WRN: variants seen among roughly 807,000 people sequenced by gnomAD.
WRN encodes the protein WRN RecQ like helicase, also known as bifunctional 3'-5' exonuclease/ATP-dependent helicase WRN.
Under a neutral mutation model 180.7 loss-of-function variants are expected in WRN, and 149 were observed. That is an observed-to-expected ratio of 0.82 (90% CI 0.72 to 0.94). The LOEUF (loss-of-function observed/expected upper bound fraction) is 0.94. Among genes scored for constraint, WRN ranks in the 40% least tolerant of loss-of-function variants. The probability of loss-of-function intolerance (pLI) is 0.00; values close to 1 mark genes in which losing one functional copy is unlikely to be tolerated. For synonymous variants in WRN, 548 were observed against 568.9 expected (o/e 0.96, Z 0.52); for missense variants, 1,661 against 1,700.1 (o/e 0.98, Z 0.40).
In WRN at chr8:31,058,422, G is replaced by A. The variant is rs763753170; in HGVS notation, c.-26G>A. ...TTACCCATGAAGACATTGTTTTTTG[G>A]ACTCTGCAAATAGGACATTTCAAAG... On this transcript the variant is annotated 5_prime_UTR_variant, in exon 2 of 35. Transcript: ENST00000298139. 3 of 1,601,954 alleles carry A rather than the reference G, an allele frequency of 1.9e-6. No individual in the cohort carries two copies. The Admixed American group carries it at 5.0e-5, about 27-fold the overall frequency.
chr8:31,085,176 C>A lies in WRN; in HGVS notation c.1361C>A (p.Pro454His), dbSNP rs1184982533. ...TACTTTTTTTTAAAGCATTTATCTC[C>A]CAATGATAATGAAAACGATACGTCC... ...LEMEMLKHLSPNDNENDTSYV... is the reference protein window; with the variant it reads ...LEMEMLKHLSHNDNENDTSYV... The change falls in exon 11 of 35, where the codon CCC becomes CAC. Residue 454 changes from proline to histidine, a missense_variant. Transcript: ENST00000298139. The A allele has an allele frequency of 1.2e-6, 2 of 1,612,036 alleles. No individual in the cohort carries two copies. Among genetic ancestry groups the A allele is most frequent in the Non-Finnish European group, 1.7e-6 (2 of 1,179,176 alleles).
chr8:31,150,474 C>T lies in WRN; in HGVS notation c.3687+19C>T. The T allele has an allele frequency of 6.2e-7, 1 of 1,605,582 alleles. No individual in the cohort carries two copies. Among genetic ancestry groups the T allele is most frequent in the Non-Finnish European group, 8.5e-7 (1 of 1,172,254 alleles). ...TGTTCAGGTAAAATACTGTGGTTTGCAGGAGCTCTTAGAGAATAAGCATTT... is the reference window on the plus strand; with the variant it reads ...TGTTCAGGTAAAATACTGTGGTTTGTAGGAGCTCTTAGAGAATAAGCATTT... On this transcript the variant is annotated intron_variant, in intron 31 of 34. Coordinates refer to ENST00000298139, the MANE Select transcript of WRN (RefSeq NM_000553.6).
At chr8:31,101,787 C>CAAAAAAAA (rs60342321) in intron 18 of WRN, among the ~76,000 whole-genome samples, 1 of 42,056 alleles carries the variant, frequency 2.4e-5, no homozygotes, top group Non-Finnish European at 4.7e-5. Context: ...AACTCTGTCT[C>CAAAAAAAA]AAAAAAAAAA....
rs61369187 is a variant in WRN at position 31,113,735 on chromosome 8, A to G, written c.2273+1936A>G. 4.9e-3 allele frequency among the ~76,000 whole-genome samples: 753 copies of G among 152,150 alleles called. 8 individuals carry two copies. Among genetic ancestry groups the G allele is most frequent in the African/African-American group, 0.017 (712 of 41,502 alleles). ...GACGTCCTGGTCCTCTTATAATCCT[A>G]TGCAAATGTTTCTTTCTGTTTTTCA... On this transcript the variant is annotated intron_variant, in intron 19 of 34. Coordinates refer to ENST00000298139, the MANE Select transcript of WRN (RefSeq NM_000553.6).
At chr8:31,152,930 C>T (rs1193899823) in intron 31 of WRN, among the ~76,000 whole-genome samples, 1 of 151,686 alleles carries the variant, frequency 6.6e-6, no homozygotes, top group Non-Finnish European at 1.5e-5. Context: ...GTAATCCCAG[C>T]TATTTAGGAT....
chr8:31,165,290 T>C (rs1265445528), intron 33 of WRN, among the ~76,000 whole-genome samples: 1 of 152,056 alleles, frequency 6.6e-6, no homozygotes, highest in Non-Finnish European at 1.5e-5. Context: ...AGTTTATTTA[T>C]CTAATTTCTA....
chr8:31,172,976 TTCTTTC>T lies in WRN; in HGVS notation c.4192-17_4192-12del, dbSNP rs777721219. On this transcript the variant is annotated splice_polypyrimidine_tract_variant and intron_variant, in intron 34 of 34. Transcript: ENST00000298139. The stretch of plus-strand genomic sequence containing the variant: ...AGTAGTACAAAGATTTGATTTCTTT[TTCTTTC>T]TATTTCCTACAGACTTCATCTGCAG... The T allele has an allele frequency of 6.2e-7, 1 of 1,611,170 alleles. No individual in the cohort carries two copies. The highest frequency in any genetic ancestry group is 8.5e-7 in the Non-Finnish European group (1 of 1,177,710).
At chr8:31,092,372 A>G (rs1339821611) in intron 16 of WRN, among the ~76,000 whole-genome samples, 1 of 151,816 alleles carries the variant, frequency 6.6e-6, no homozygotes, top group African/African-American at 2.4e-5. Context: ...TCTCTTGCCC[A>G]ACCAATTCTA....
rs1315024196 is a variant in WRN, at chr8:31,167,244, A to G, written c.4191+14A>G. On this transcript the variant is annotated intron_variant, in intron 34 of 34. Coordinates refer to ENST00000298139, the MANE Select transcript of WRN (RefSeq NM_000553.6). ...ATCAATACTGAGGTATTAATTATAT[A>G]TAGAATTTTCATAAAGTGTCAGTTT... is the stretch of plus-strand genomic sequence containing the variant. The G allele has an allele frequency of 6.2e-7, 1 of 1,601,134 alleles. No individual in the cohort carries two copies. The highest frequency in any genetic ancestry group is 8.5e-7 in the Non-Finnish European group (1 of 1,171,256).
At chr8:31,163,432 G>A (rs1446231628) in intron 33 of WRN, among the ~76,000 whole-genome samples, 1 of 151,986 alleles carries the variant, frequency 6.6e-6, no homozygotes, top group East Asian at 1.9e-4. Context: ...GGCTTAGAGA[G>A]TTATAAAACT....
chr8:31,121,902 TG>T (rs1801738656), intron 21 of WRN, among the ~76,000 whole-genome samples: 1 of 151,976 alleles, frequency 6.6e-6, no homozygotes, highest in Admixed American at 6.6e-5. Flanking sequence ...TTTAAATAAT[TG>T]GGATAGAACA....
At chr8:31,093,649 A>G (rs2130188059) in intron 16 of WRN, among the ~76,000 whole-genome samples, 1 of 152,294 alleles carries the variant, frequency 6.6e-6, no homozygotes, top group Middle Eastern at 3.4e-3. Flanking sequence ...TAAATTTTAT[A>G]TGCTGAGAAT....
chr8:31,146,986 G>C, intron 28 of WRN, 67 bp from the exon 29 acceptor site: 1 of 1,311,642 alleles, frequency 7.6e-7, no homozygotes, highest in Non-Finnish European at 1.1e-6. Context: ...TCATTTAGGG[G>C]ATGAAATAGA....
chr8:31,152,052 G>A (rs1331111822), intron 31 of WRN, among the ~76,000 whole-genome samples: 1 of 151,938 alleles, frequency 6.6e-6, no homozygotes, highest in African/African-American at 2.4e-5. Context: ...AGAATTTTGA[G>A]AATTTCTGGA....
intron 12 of WRN, 149 bp from the exon 13 acceptor site, chr8:31,088,741 A>T (rs1313621266): frequency 2.9e-6 from 2 of 681,812 alleles, no homozygotes; most frequent in African/African-American, 3.6e-5. Flanking sequence ...CCAGAAGACC[A>T]GTTTGTATTG....
intron 9 of WRN, among the ~76,000 whole-genome samples, chr8:31,082,311 G>T (rs1813348801): frequency 1.3e-5 from 2 of 152,118 alleles, no homozygotes; most frequent in South Asian, 4.1e-4. Context: ...TTTAATTAGA[G>T]TTATTTCCCC....
intron 8 of WRN, among the ~76,000 whole-genome samples, chr8:31,078,926 C>G (rs1201898641): frequency 6.6e-6 from 1 of 152,208 alleles, no homozygotes; most frequent in African/African-American, 2.4e-5. Flanking sequence ...TGAGCCCTTA[C>G]ACTCTTGATA....
intron 33 of WRN, among the ~76,000 whole-genome samples, chr8:31,163,556 A>T (rs1459949680): frequency 1.3e-5 from 2 of 152,204 alleles, no homozygotes; most frequent in African/African-American, 4.8e-5. Flanking sequence ...TAATCCTGAT[A>T]TAGGATATGG....
intron 18 of WRN, 28 bp downstream of exon 18, chr8:31,100,983 A>G: frequency 6.3e-7 from 1 of 1,578,338 alleles, no homozygotes; most frequent in Non-Finnish European, 8.7e-7. Flanking sequence ...TGATGTCCCG[A>G]AATTACATTC....
Sources: gnomAD v4.1 joint callset for allele counts (sites outside exome capture counted in the v4.1 genomes callset) on GRCh38, gnomAD v4.1.1 for gene constraint, MANE v1.5 for transcripts, NCBI Gene and HGNC (gene_info 2026-07-23, HGNC 2026-07-21) for gene names.